The following RBM28 variants were observed in gnomAD, a reference collection of about 807,000 sequenced individuals.
The protein encoded by RBM28 is RNA binding motif protein 28.
In RBM28, 78 loss-of-function variants were observed where a neutral mutation model predicts 98.3. The ratio of observed to expected loss-of-function variants is 0.79; its 90% CI spans 0.66 to 0.96. RBM28 has a LOEUF of 0.96. Among genes scored for constraint, RBM28 ranks in the 40% least tolerant of loss-of-function variants. The pLI, the probability that RBM28 is intolerant of heterozygous loss-of-function variation, is 0.00. For synonymous variants in RBM28, 306 were observed against 330.9 expected (o/e 0.92, Z 0.82); for missense variants, 838 against 913.0 (o/e 0.92, Z 1.06).
At chr7:128,318,874 G>A (rs951625955) in intron 14 of RBM28, among the ~76,000 whole-genome samples, 17 of 152,202 alleles carry the variant, frequency 1.1e-4, no homozygotes, top group African/African-American at 3.9e-4. Context: ...ATTGAAGAAG[G>A]AAAGGAGGAA....
intron 14 of RBM28, 24 bp downstream of exon 14, chr7:128,321,242 A>G: frequency 6.2e-7 from 1 of 1,613,792 alleles, no homozygotes; most frequent in South Asian, 1.1e-5. Context: ...TGAAAGCTCC[A>G]AAATGGTCAG....
Position 128,310,785 on chromosome 7 carries a change from C to G in RBM28, c.*12G>C, listed in dbSNP as rs747012932. 11 of 1,613,894 alleles carry G rather than the reference C, an allele frequency of 6.8e-6. No individual in the cohort carries two copies. The Admixed American group carries it at 1.8e-4, about 27-fold the overall frequency. ...TACACAACCCAGCTTCTTACCCAGC[C>G]TGCTGCCATCATCAACTATCAAACC... On this transcript the variant is annotated 3_prime_UTR_variant, in exon 19 of 19. Transcript: ENST00000223073.
intron 13 of RBM28, 49 bp from the exon 14 acceptor site, chr7:128,321,473 G>A (rs907122523): frequency 6.2e-7 from 1 of 1,606,338 alleles, no homozygotes; most frequent in Non-Finnish European, 8.5e-7. Flanking sequence ...TTTTTAAGAG[G>A]TAGGCTCATA....
In RBM28 at chr7:128,314,780, G is replaced by A. The variant is rs781302150; in HGVS notation, c.2029C>T (p.Arg677Ter). The change falls in exon 17 of 19, where the codon CGA becomes TGA. Residue 677 changes from arginine (R) to a stop codon, truncating the protein, a stop_gained. Transcript: ENST00000223073. LOFTEE classifies it high-confidence loss of function. ...RRKVLALPSHRGPKIRLRDKG... is the reference protein window; with the variant it reads ...RRKVLALPSH ...GCATCTCACCTGATTTTGGGGCCTC[G>A]GTGTGAGGGGAGCGCCAGGACCTTT... is the stretch of plus-strand genomic sequence containing the variant. 31 of 1,614,074 alleles carry A rather than the reference G, an allele frequency of 1.9e-5. No individual in the cohort carries two copies. The highest frequency in any genetic ancestry group is 2.2e-5 in the Non-Finnish European group (26 of 1,180,044).
At position 128,341,052 on chromosome 7, in the gene RBM28, T is replaced by C; in HGVS notation, c.119-1261A>G. 5.3e-6 allele frequency: 5 copies of C among 948,566 alleles called. 1 individual carries two copies. In the South Asian group the frequency reaches 5.9e-5, roughly 11 times the overall value. 58.8% of individuals were successfully genotyped at this position (948,566 alleles called of 1,614,324 possible). A position where few individuals can be genotyped will look rare whatever the true frequency, so the allele number is the denominator to read the frequency against. ...GCCCTTTTTGGTTTAACATTTTGTA[T>C]AGTAAAATTTTAAATAATTTATTGC... On this transcript the variant is annotated intron_variant, in intron 1 of 18. Coordinates refer to ENST00000223073, the MANE Select transcript of RBM28 (RefSeq NM_018077.3).
Position 128,300,501 on chromosome 7 carries a change from A to T in RBM28, c.*10296T>A, listed in dbSNP as rs1795767156. On this transcript the variant is annotated 3_prime_UTR_variant, in exon 19 of 19. Transcript: ENST00000223073. ...TCAGTTAACACCGGCTGGCTGAATG[A>T]AGGGCGAGCTATCTTGAGCCTGACT... The T allele has an allele frequency of 6.6e-6, 1 of 152,280 alleles. No homozygotes were observed. The highest frequency in any genetic ancestry group is 1.5e-5 in the Non-Finnish European group (1 of 68,098). 9.4% of individuals were successfully genotyped at this position (152,280 alleles called of 1,614,324 possible).
In RBM28 at chr7:128,331,170, A is replaced by G. The variant is rs1403458281; in HGVS notation, c.1020-242T>C. On this transcript the variant is annotated intron_variant, in intron 9 of 18. Transcript: ENST00000223073. ...CAAAGACCAGAAACTGCAGGTAAAGATTCATTTCTAAACAGCGGTGCCCCC... is the reference window on the plus strand; with the variant it reads ...CAAAGACCAGAAACTGCAGGTAAAGGTTCATTTCTAAACAGCGGTGCCCCC... Among the ~76,000 whole-genome samples the G allele has an allele frequency of 2.0e-5, 3 of 152,286 alleles. 1 individual carries two copies. Among genetic ancestry groups the G allele is most frequent in the Middle Eastern group, 6.8e-3 (2 of 294 alleles).
chr7:128,314,839 T>C lies in RBM28; in HGVS notation c.1970A>G (p.Glu657Gly). The part of the protein sequence containing the change: ...WTGFQTKAEV[E>G]QVELPDGKKR... Reference sequence around the variant, plus strand: ...CTTTCCATCAGGCAGCTCCACCTGCTCCACTTCAGCCTTGGTCTGGAACCC... The same window carrying C: ...CTTTCCATCAGGCAGCTCCACCTGCCCCACTTCAGCCTTGGTCTGGAACCC... Residue 657 changes from glutamate (E) to glycine (G), a missense_variant, in exon 17 of 19, where the codon GAG becomes GGG. Glu to Gly is a moderately conservative substitution (Grantham distance 98). Transcript: ENST00000223073. 1 of 1,614,170 alleles carries C rather than the reference T, an allele frequency of 6.2e-7. No individual in the cohort carries two copies. The highest frequency in any genetic ancestry group is 8.5e-7 in the Non-Finnish European group (1 of 1,180,020).
intron 1 of RBM28, among the ~76,000 whole-genome samples, chr7:128,342,552 C>T (rs1391235529): frequency 6.6e-6 from 1 of 152,138 alleles, no homozygotes; most frequent in Non-Finnish European, 1.5e-5. Context: ...TGTAGTGACA[C>T]TCGCCTGTAA....
At chr7:128,324,886 C>T (rs949841976) in intron 11 of RBM28, among the ~76,000 whole-genome samples, 192 bp from the exon 12 acceptor site, 1 of 151,850 alleles carries the variant, frequency 6.6e-6, no homozygotes, top group Non-Finnish European at 1.5e-5. Flanking sequence ...TGGTGGTGTG[C>T]GCCTGTAATC....
intron 13 of RBM28, among the ~76,000 whole-genome samples, chr7:128,322,425 C>A (rs1796256929): frequency 6.6e-6 from 1 of 152,094 alleles, no homozygotes; most frequent in Non-Finnish European, 1.5e-5. Flanking sequence ...AAAAGTTTTT[C>A]TTTTGTCAAG....
chr7:128,317,017 A>G (rs948925568), intron 16 of RBM28, among the ~76,000 whole-genome samples: 4 of 152,224 alleles, frequency 2.6e-5, no homozygotes, highest in Admixed American at 2.6e-4. Context: ...TCCTGGGGGA[A>G]GATGGGTAAG....
At chr7:128,325,780 C>A in intron 11 of RBM28, 38 bp downstream of exon 11, 1 of 1,506,142 alleles carries the variant, frequency 6.6e-7, no homozygotes, top group Non-Finnish European at 9.2e-7. Context: ...AGCCAAACTG[C>A]CTCCTGTGTT....
rs750329762 is a variant in RBM28, at chr7:128,318,107, CTA to C, written c.1564-3_1564-2del. 5 of 1,610,412 alleles carry C rather than the reference CTA, an allele frequency of 3.1e-6. No homozygotes were observed. The African/African-American group carries it at 6.7e-5, about 22-fold the overall frequency. ...CTTTGAGGTCTCGCATCACTCTACA[CTA>C]TGAGTAGAGCAAGAAAAAAATCAGT... On this transcript the variant is annotated splice_acceptor_variant and splice_polypyrimidine_tract_variant and intron_variant, in intron 14 of 18. Coordinates refer to ENST00000223073, the MANE Select transcript of RBM28 (RefSeq NM_018077.3). LOFTEE classifies it high-confidence loss of function.
At chr7:128,314,244 G>A (rs1338441477) in intron 17 of RBM28, among the ~76,000 whole-genome samples, 2 of 152,124 alleles carry the variant, frequency 1.3e-5, no homozygotes, top group Non-Finnish European at 2.9e-5. Context: ...TTACAGGCGT[G>A]AGCCACCGCG....
chr7:128,327,323 G>GCAGATGAGAA (rs1796375585), intron 10 of RBM28, among the ~76,000 whole-genome samples: 1 of 151,880 alleles, frequency 6.6e-6, no homozygotes, highest in South Asian at 2.1e-4. Context: ...ATCAGATATG[G>GCAGATGAGAA]GCAGATCTGC....
intron 5 of RBM28, among the ~76,000 whole-genome samples, chr7:128,337,783 C>G (rs1411762181): frequency 6.6e-6 from 1 of 152,116 alleles, no homozygotes; most frequent in East Asian, 1.9e-4. Flanking sequence ...GTCTTGAACT[C>G]CTGACCTCAG....
In RBM28 at chr7:128,341,373, T is replaced by C. The variant is rs1796720820; in HGVS notation, c.119-1582A>G. ...TAAAGCAGCTGAAATGTAAAAGAGT[T>C]TGACACCCAAATGAAAGGACATACA... is the stretch of plus-strand genomic sequence containing the variant. On this transcript the variant is annotated intron_variant, in intron 1 of 18. Coordinates refer to ENST00000223073, the MANE Select transcript of RBM28 (RefSeq NM_018077.3). 2.0e-5 allele frequency among the ~76,000 whole-genome samples: 3 copies of C among 152,366 alleles called. No homozygotes were observed. The South Asian group carries it at 6.2e-4, about 32-fold the overall frequency.
At chr7:128,321,660 T>A (rs1459526589) in intron 13 of RBM28, among the ~76,000 whole-genome samples, 1 of 152,114 alleles carries the variant, frequency 6.6e-6, no homozygotes, top group Non-Finnish European at 1.5e-5. Flanking sequence ...CATCCCTAAC[T>A]GGAGAAATTA....
Sources: gnomAD v4.1 joint callset for allele counts (sites outside exome capture counted in the v4.1 genomes callset) on GRCh38, gnomAD v4.1.1 for gene constraint, MANE v1.5 for transcripts, NCBI Gene and HGNC (gene_info 2026-07-23, HGNC 2026-07-21) for gene names.